The following MLPH variants were observed in gnomAD, a reference collection of about 807,000 sequenced individuals.
MLPH encodes exophilin-3.
In MLPH, 51 loss-of-function variants were observed where a neutral mutation model predicts 72.1. That is an observed-to-expected ratio of 0.71 (90% CI 0.56 to 0.89). The LOEUF (loss-of-function observed/expected upper bound fraction) is 0.89. MLPH is among the 40% of genes least tolerant of loss of function. MLPH has a pLI of 0.00. For synonymous variants in MLPH, 301 were observed against 310.1 expected, an observed-to-expected ratio of 0.97 and a Z score of 0.31; for missense variants, 743 against 759.9, an observed-to-expected ratio of 0.98 and a Z score of 0.26.
chr2:237,540,083 G>A (rs2080635898), intron 9 of MLPH, among the ~76,000 whole-genome samples: 1 of 152,182 alleles, frequency 6.6e-6, no homozygotes, highest in Non-Finnish European at 1.5e-5. Context: ...GGGATGAGAA[G>A]GGAGAAAAAA....
intron 15 of MLPH, chr2:237,553,299 T>G: frequency 1.7e-6 from 1 of 582,428 alleles, no homozygotes. Flanking sequence ...TGCTGAACCT[T>G]TTGTTCCTCA....
Position 237,541,867 on chromosome 2 carries a change from G to A in MLPH, c.1447-700G>A, listed in dbSNP as rs1471277685. Among the ~76,000 whole-genome samples, 2 of 152,230 alleles carry A rather than the reference G, an allele frequency of 1.3e-5. No homozygotes were observed. Among genetic ancestry groups the A allele is most frequent in the African/African-American group, 4.8e-5 (2 of 41,462 alleles). The stretch of plus-strand genomic sequence containing the variant: ...GCCCCTAGAGTGCTCGGGGCAGGGC[G>A]ATTGAGATAAGGCAGTCAGGAGGGA... On this transcript the variant is annotated intron_variant, in intron 11 of 15. Transcript: ENST00000264605. The surrounding 1 kb of genome is among the most constrained non-coding windows in gnomAD (Gnocchi z 5.1).
In MLPH at chr2:237,553,600, G is replaced by A; in HGVS notation, c.*8G>A. On this transcript the variant is annotated 3_prime_UTR_variant, in exon 16 of 16. Coordinates refer to ENST00000264605, the MANE Select transcript of MLPH (RefSeq NM_024101.7). ...GTGGCCCACCAGTCCTAACGGGACA[G>A]GACAGAGAGACAGAGCAGCCCTGCA... The A allele has an allele frequency of 2.5e-6, 4 of 1,614,242 alleles. No individual in the cohort carries two copies. Among genetic ancestry groups the A allele is most frequent in the African/African-American group, 1.3e-5 (1 of 75,070 alleles).
In MLPH at chr2:237,525,615, G is replaced by A; in HGVS notation, c.690G>A (p.Glu230=). 1.2e-6 allele frequency: 2 copies of A among 1,614,122 alleles called. No homozygotes were observed. The highest frequency in any genetic ancestry group is 1.7e-6 in the Non-Finnish European group (2 of 1,180,022). The part of the protein sequence containing the change: ...ARDSPQSLTD[E]SCSEKAAPHK... ...CATGTGCTTAGTCCCTCACAGATGA[G>A]TCCTGCTCAGAGAAGGCAGCCCCTC... The change falls in exon 7 of 16, where the codon GAG becomes GAA. Residue 230 remains glutamate, a synonymous_variant. Transcript: ENST00000264605.
At chr2:237,493,266 A>G (rs2079464231) in intron 1 of MLPH, 137 bp from the exon 2 acceptor site, 1 of 659,452 alleles carries the variant, frequency 1.5e-6, no homozygotes, top group Admixed American at 2.4e-5. Context: ...CCAGACAAGC[A>G]TTAGAAAACC....
intron 4 of MLPH, chr2:237,511,306 C>A: frequency 2.0e-6 from 1 of 503,956 alleles, no homozygotes; most frequent in Non-Finnish European, 3.6e-6. Context: ...AGACAGGCAT[C>A]TCACCATGTT....
intron 14 of MLPH, among the ~76,000 whole-genome samples, chr2:237,551,074 A>T (rs2081028310): frequency 6.6e-6 from 1 of 152,258 alleles, no homozygotes; most frequent in South Asian, 2.1e-4. Context: ...CCTCACCAGC[A>T]TCTGCCAAGC....
intron 6 of MLPH, among the ~76,000 whole-genome samples, chr2:237,523,305 G>C (rs533164849): frequency 6.6e-6 from 1 of 152,210 alleles, no homozygotes; most frequent in South Asian, 2.1e-4. Flanking sequence ...TTTTGCAGGG[G>C]TTGGCTAAGG....
In MLPH at chr2:237,536,663, A is replaced by T. The variant is rs547420712; in HGVS notation, c.1104+2016A>T. Among the ~76,000 whole-genome samples the T allele has an allele frequency of 2.6e-5, 4 of 152,236 alleles. No individual in the cohort carries two copies. The South Asian group carries it at 6.2e-4, about 24-fold the overall frequency. ...TCCAGCCCCCAGGCCCCTGCGGAACACTGACCCAGGTCTCACTCGGGCCTC... is the reference window on the plus strand; with the variant it reads ...TCCAGCCCCCAGGCCCCTGCGGAACTCTGACCCAGGTCTCACTCGGGCCTC... On this transcript the variant is annotated intron_variant, in intron 9 of 15. Coordinates refer to ENST00000264605, the MANE Select transcript of MLPH (RefSeq NM_024101.7).
rs2325814 is a variant in MLPH, at chr2:237,554,082, G to A, written c.*490G>A. 0.24 allele frequency: 70,066 copies of A among 289,436 alleles called. 12,788 individuals carry two copies. The highest frequency in any genetic ancestry group is 0.6 in the African/African-American group (27,430 of 46,078). 17.9% of individuals were successfully genotyped at this position (289,436 alleles called of 1,614,324 possible). On this transcript the variant is annotated 3_prime_UTR_variant, in exon 16 of 16. Coordinates refer to ENST00000264605, the MANE Select transcript of MLPH (RefSeq NM_024101.7). ...GGGTGTGACTGGATATTAGACATCC[G>A]GACAAGTGACTGAACTAATGATCTG...
chr2:237,520,537 G>A (rs1231755419), intron 6 of MLPH, among the ~76,000 whole-genome samples: 1 of 152,226 alleles, frequency 6.6e-6, no homozygotes, highest in Non-Finnish European at 1.5e-5. Context: ...CCATCCAGGT[G>A]AACAGGACAT....
At chr2:237,545,604 G>C (rs2080900817) in intron 12 of MLPH, 2 of 1,287,154 alleles carry the variant, frequency 1.6e-6, no homozygotes, top group African/African-American at 1.5e-5. Flanking sequence ...GATGTGACTA[G>C]AACGGAGGGC....
rs569967798 is a variant in MLPH, at chr2:237,518,234, T to G, written c.446-305T>G. ...TGGGTGGAGGATAGATAGGTGGGTG[T>G]ATGGGTGGGTGGATGGATTGATGCA... is the stretch of plus-strand genomic sequence containing the variant. On this transcript the variant is annotated intron_variant, in intron 4 of 15. Transcript: ENST00000264605. The G allele has an allele frequency of 6.7e-4, 320 of 475,842 alleles. 3 individuals carry two copies. The highest frequency in any genetic ancestry group is 5.8e-3 in the South Asian group (304 of 52,504). The allele number at this position is 475,842 out of a possible 1,614,324, so 29.5% of individuals were successfully genotyped here. A position where few individuals can be genotyped will look rare whatever the true frequency, so the allele number is the denominator to read the frequency against.
chr2:237,542,038 G>A (rs1181517438), intron 11 of MLPH, among the ~76,000 whole-genome samples: 1 of 152,210 alleles, frequency 6.6e-6, no homozygotes, highest in Non-Finnish European at 1.5e-5. Flanking sequence ...AGAGTGATGA[G>A]GGGAGAGTGT....
chr2:237,542,498 T>C, intron 11 of MLPH, 69 bp from the exon 12 acceptor site: 1 of 1,302,742 alleles, frequency 7.7e-7, no homozygotes, highest in Non-Finnish European at 1.1e-6. Context: ...CTGCTCTTTC[T>C]GTCCATGACT....
Position 237,541,129 on chromosome 2 carries a change from A to G in MLPH, c.1446+172A>G, listed in dbSNP as rs76110786. Among the ~76,000 whole-genome samples, 3,021 of 151,622 alleles carry G rather than the reference A, an allele frequency of 0.02. 64 individuals carry two copies. The highest frequency in any genetic ancestry group is 0.092 in the East Asian group (472 of 5,138). On this transcript the variant is annotated intron_variant, in intron 11 of 15. Coordinates refer to ENST00000264605, the MANE Select transcript of MLPH (RefSeq NM_024101.7). The surrounding 1 kb of genome is among the most constrained non-coding windows in gnomAD (Gnocchi z 5.1). The stretch of plus-strand genomic sequence containing the variant: ...GCATGAACCTGGGGGTTTCTGGGGG[A>G]CTCACCTAATTCGCCACCCCCTGAG...
chr2:237,553,757 C>CATTCAG lies in MLPH; in HGVS notation c.*166_*171dup, dbSNP rs2149170749. The CATTCAG allele has an allele frequency of 1.1e-6, 1 of 932,590 alleles. No homozygotes were observed. The highest frequency in any genetic ancestry group is 1.8e-6 in the Non-Finnish European group (1 of 560,198). 57.8% of individuals were successfully genotyped at this position (932,590 alleles called of 1,614,324 possible). A position where few individuals can be genotyped will look rare whatever the true frequency, so the allele number is the denominator to read the frequency against. On this transcript the variant is annotated 3_prime_UTR_variant, in exon 16 of 16. Coordinates refer to ENST00000264605, the MANE Select transcript of MLPH (RefSeq NM_024101.7). ...ACTCCCACCTGCAAGTGGACAGCGA[C>CATTCAG]ATTCAGTCCTGCACTGCTCACCTGG...
chr2:237,525,812 G>A lies in MLPH; in HGVS notation c.880+7G>A. On this transcript the variant is annotated splice_region_variant and intron_variant, in intron 7 of 15. Transcript: ENST00000264605. ...GGGACTGCTGCTGCACTCGGTAGGT[G>A]CCCTTGGCCAGGGTCTTCCTGATGG... 1 of 1,610,256 alleles carries A rather than the reference G, an allele frequency of 6.2e-7. No individual in the cohort carries two copies.
intron 12 of MLPH, 70 bp from the exon 13 acceptor site, chr2:237,546,536 G>A: frequency 7.4e-7 from 1 of 1,344,314 alleles, no homozygotes; most frequent in Non-Finnish European, 1.1e-6. Context: ...ACATCCAGCT[G>A]ACCCATGCCC....
Sources: gnomAD v4.1 joint callset for allele counts (sites outside exome capture counted in the v4.1 genomes callset) on GRCh38, gnomAD v4.1.1 for gene constraint, Gnocchi (gnomAD v3.1) non-coding constraint, MANE v1.5 for transcripts, NCBI Gene and HGNC (gene_info 2026-07-23, HGNC 2026-07-21) for gene names.